The following CRY1 variants were observed in gnomAD, a reference collection of about 807,000 sequenced individuals.
CRY1 encodes cryptochrome-1.
Under a neutral mutation model 76.0 loss-of-function variants are expected in CRY1, and 45 were observed. The observed-to-expected ratio is 0.59, with a 90% CI of 0.47 to 0.76. The LOEUF is 0.76. Among genes scored for constraint, CRY1 ranks in the 30% least tolerant of loss-of-function variants. The pLI, the probability that CRY1 is intolerant of heterozygous loss-of-function variation, is 0.00. For synonymous variants in CRY1, 248 were observed against 244.0 expected (o/e 1.02, Z -0.15); for missense variants, 587 against 716.4 (o/e 0.82, Z 2.06).
chr12:107,018,846 T>A (rs1417603086), intron 2 of CRY1, among the ~76,000 whole-genome samples: 1 of 152,046 alleles, frequency 6.6e-6, no homozygotes, highest in Non-Finnish European at 1.5e-5. Flanking sequence ...TTTACCTAAG[T>A]GTGTATAAAA....
At chr12:107,071,937 A>C (rs1456431593) in intron 1 of CRY1, among the ~76,000 whole-genome samples, 3 of 152,212 alleles carry the variant, frequency 2.0e-5, no homozygotes, top group African/African-American at 7.2e-5. Context: ...AGTATGTCAA[A>C]GATGATCTAA....
At chr12:107,009,440 G>A (rs1226435089) in intron 2 of CRY1, among the ~76,000 whole-genome samples, 2 of 151,672 alleles carry the variant, frequency 1.3e-5, no homozygotes, top group African/African-American at 4.8e-5. Flanking sequence ...TCAGGAGGCT[G>A]AGGCAGGAGA....
In CRY1 at chr12:107,061,961, G is replaced by A. The variant is rs557631597; in HGVS notation, c.158+30843C>T. 1.1e-4 allele frequency among the ~76,000 whole-genome samples: 17 copies of A among 148,792 alleles called. No homozygotes were observed. The South Asian group carries it at 2.1e-3, about 19-fold the overall frequency. On this transcript the variant is annotated intron_variant, in intron 1 of 12. Coordinates refer to ENST00000008527, the MANE Select transcript of CRY1 (RefSeq NM_004075.5). Reference sequence around the variant, plus strand: ...CTCCTTGAACCCTGGAAGTGGAGGCGGATGCAGTGAGCCAAGGTTGTGCCA... The same window carrying A: ...CTCCTTGAACCCTGGAAGTGGAGGCAGATGCAGTGAGCCAAGGTTGTGCCA...
At chr12:107,044,272 C>T (rs1317048589) in intron 1 of CRY1, among the ~76,000 whole-genome samples, 1 of 152,116 alleles carries the variant, frequency 6.6e-6, no homozygotes, top group Non-Finnish European at 1.5e-5. Context: ...GCTAAGTCTC[C>T]TAATTGTGGG....
chr12:107,003,454 T>C (rs938196656), intron 3 of CRY1, among the ~76,000 whole-genome samples: 1 of 152,194 alleles, frequency 6.6e-6, no homozygotes, highest in African/African-American at 2.4e-5. Flanking sequence ...CAAGGTCATA[T>C]AACTGATAAA....
rs546597660 is a variant in CRY1, at chr12:107,053,816, G to C, written c.159-31624C>G. Among the ~76,000 whole-genome samples, 4 of 152,246 alleles carry C rather than the reference G, an allele frequency of 2.6e-5. No homozygotes were observed. In the East Asian group the frequency reaches 7.7e-4, roughly 29 times the overall value. Reference sequence around the variant, plus strand: ...AACTTCAGAACATGTCAGAGAAAGAGAATATTTAAAATTAGACAAAAAGAA... The same window carrying C: ...AACTTCAGAACATGTCAGAGAAAGACAATATTTAAAATTAGACAAAAAGAA... On this transcript the variant is annotated intron_variant, in intron 1 of 12. Coordinates refer to ENST00000008527, the MANE Select transcript of CRY1 (RefSeq NM_004075.5).
intron 1 of CRY1, among the ~76,000 whole-genome samples, chr12:107,086,586 C>A (rs1034964304): frequency 5.9e-5 from 9 of 152,222 alleles, no homozygotes; most frequent in African/African-American, 1.7e-4. Context: ...TCTGGCTGCT[C>A]TGGCTGCAGC....
At chr12:107,012,563 C>T (rs1028114363) in intron 2 of CRY1, among the ~76,000 whole-genome samples, 4 of 152,158 alleles carry the variant, frequency 2.6e-5, no homozygotes, top group African/African-American at 9.7e-5. Context: ...TTCATTCCTA[C>T]CAATGTAACA....
intron 2 of CRY1, among the ~76,000 whole-genome samples, chr12:107,018,407 C>T (rs976367121): frequency 3.9e-5 from 6 of 152,080 alleles, no homozygotes; most frequent in Middle Eastern, 3.4e-3. Context: ...GGCCAATTGG[C>T]GAAACCCTTT....
At chr12:107,034,111 G>A (rs995137026) in intron 1 of CRY1, among the ~76,000 whole-genome samples, 2 of 151,792 alleles carry the variant, frequency 1.3e-5, no homozygotes, top group Middle Eastern at 3.2e-3. Flanking sequence ...AGACCCTGCT[G>A]ATAAAACAGA....
At chr12:107,061,033 A>G (rs1953040277) in intron 1 of CRY1, among the ~76,000 whole-genome samples, 1 of 152,142 alleles carries the variant, frequency 6.6e-6, no homozygotes, top group Non-Finnish European at 1.5e-5. Flanking sequence ...ATTCCCAAAA[A>G]GCTGGAAGTC....
Position 106,992,880 on chromosome 12 carries a change from G to A in CRY1, c.1668C>T (p.Ser556=). The part of the protein sequence containing the change: ...QTHLLKQGRS[S]MGTGLSGGKR... Reference sequence around the variant, plus strand: ...TCCCACCACTGAGACCAGTGCCCATGGAGCTTCTTCCTGCACATTTAAAAA... The same window carrying A: ...TCCCACCACTGAGACCAGTGCCCATAGAGCTTCTTCCTGCACATTTAAAAA... Residue 556 remains serine (S), a synonymous_variant, in exon 12 of 13, where the codon TCC becomes TCT. Coordinates refer to ENST00000008527, the MANE Select transcript of CRY1 (RefSeq NM_004075.5). The A allele has an allele frequency of 6.2e-7, 1 of 1,613,888 alleles. No individual in the cohort carries two copies. The highest frequency in any genetic ancestry group is 1.1e-5 in the South Asian group (1 of 91,060).
At chr12:107,053,599 T>C (rs1309551975) in intron 1 of CRY1, among the ~76,000 whole-genome samples, 1 of 152,148 alleles carries the variant, frequency 6.6e-6, no homozygotes, top group Non-Finnish European at 1.5e-5. Flanking sequence ...ATTACAGGCA[T>C]AAGCCACGGT....
chr12:107,048,586 A>G (rs1246133773), intron 1 of CRY1, among the ~76,000 whole-genome samples: 5 of 152,034 alleles, frequency 3.3e-5, no homozygotes, highest in Non-Finnish European at 4.4e-5. Context: ...CAAATACCGT[A>G]TGTCTCTCAT....
At chr12:107,077,678 C>T (rs184904000) in intron 1 of CRY1, among the ~76,000 whole-genome samples, 1 of 152,244 alleles carries the variant, frequency 6.6e-6, no homozygotes, top group Admixed American at 6.5e-5. Context: ...CCTGTGAATA[C>T]ACTATGCTCA....
At chr12:107,000,986 A>G (rs969726635) in intron 5 of CRY1, among the ~76,000 whole-genome samples, 1 of 152,150 alleles carries the variant, frequency 6.6e-6, no homozygotes, top group African/African-American at 2.4e-5. Context: ...AAGGTGAAAT[A>G]TAATTCTATT....
intron 1 of CRY1, among the ~76,000 whole-genome samples, chr12:107,067,858 T>C (rs1413215556): frequency 2.0e-5 from 3 of 152,214 alleles, no homozygotes; most frequent in East Asian, 1.9e-4. Flanking sequence ...GGATGTTCCA[T>C]GGGCCATAAG....
At chr12:107,034,520 T>C (rs2136859995) in intron 1 of CRY1, among the ~76,000 whole-genome samples, 1 of 152,328 alleles carries the variant, frequency 6.6e-6, no homozygotes, top group Admixed American at 6.5e-5. Flanking sequence ...AATTCTTTCT[T>C]AAGTGAGTTC....
intron 2 of CRY1, among the ~76,000 whole-genome samples, chr12:107,015,794 C>T (rs1297895998): frequency 2.6e-5 from 4 of 152,116 alleles, no homozygotes; most frequent in Non-Finnish European, 5.9e-5. Flanking sequence ...AAGTGATCCT[C>T]CTACCTCAGC....
Sources: allele counts gnomAD v4.1 joint callset (sites outside exome capture counted in the v4.1 genomes callset), GRCh38; gene constraint gnomAD v4.1.1; transcripts MANE v1.5; gene names NCBI Gene and HGNC (gene_info 2026-07-23, HGNC 2026-07-21).